Variants in ZC3H12B observed in about 807,000 individuals in gnomAD.
ZC3H12B encodes the protein zinc finger CCCH-type containing 12B.
Under a neutral mutation model 43.9 loss-of-function variants are expected in ZC3H12B, and 7 were observed. The ratio of observed to expected loss-of-function variants is 0.16; its 90% CI spans 0.09 to 0.30. The LOEUF (loss-of-function observed/expected upper bound fraction) is 0.30. ZC3H12B is among the 10% of genes least tolerant of loss of function. The probability of loss-of-function intolerance (pLI) is 1.00; values close to 1 mark genes in which losing one functional copy is unlikely to be tolerated. For missense variants in ZC3H12B, 475 were observed against 670.2 expected (o/e 0.71, Z 3.22); for synonymous variants, 222 against 241.7 (o/e 0.92, Z 0.76).
the ZC3H12B span, among the ~76,000 whole-genome samples, chrX:65,279,622 A>C: frequency 9.0e-6 from 1 of 111,705 alleles, no homozygotes; most frequent in African/African-American, 3.3e-5. Flanking sequence ...AAAACTCTGG[A>C]AGACAACCTA....
At chrX:65,458,039 G>A (rs1427083553) in intron 3 of ZC3H12B, among the ~76,000 whole-genome samples, 3 of 43,805 alleles carry the variant, frequency 6.8e-5, no homozygotes, top group African/African-American at 3.6e-4. Flanking sequence ...CCCCCTCTGC[G>A]AGAAACACCC....
At chrX:65,436,665 C>T (rs1340727155) in intron 3 of ZC3H12B, among the ~76,000 whole-genome samples, 1 of 111,535 alleles carries the variant, frequency 9.0e-6, no homozygotes, top group Non-Finnish European at 1.9e-5. Flanking sequence ...AGATTCTTGG[C>T]CCTTCACTTT....
the ZC3H12B span, among the ~76,000 whole-genome samples, chrX:65,246,729 T>C: frequency 9.8e-5 from 11 of 112,291 alleles, no homozygotes; most frequent in Admixed American, 1.9e-4. Flanking sequence ...CTGAACCCCT[T>C]CCTTACACCA....
chrX:65,176,552 TTTC>T, the ZC3H12B span, among the ~76,000 whole-genome samples: 11 of 111,375 alleles, frequency 9.9e-5, no homozygotes, highest in African/African-American at 2.3e-4. Flanking sequence ...GACAGACTGC[TTTC>T]TTAAGTGGGT....
chrX:65,252,195 A>G, the ZC3H12B span, among the ~76,000 whole-genome samples: 1 of 111,711 alleles, frequency 9.0e-6, no homozygotes, highest in Non-Finnish European at 1.9e-5. Flanking sequence ...TGAGATAATC[A>G]TGTGGTTTTT....
At chrX:65,344,611 A>G in the ZC3H12B span, among the ~76,000 whole-genome samples, 1 of 112,382 alleles carries the variant, frequency 8.9e-6, no homozygotes, top group Non-Finnish European at 1.9e-5. Flanking sequence ...AAACTATAAA[A>G]ATTCTCAAAG....
the ZC3H12B span, among the ~76,000 whole-genome samples, chrX:65,233,776 G>A: frequency 0.13 from 14,768 of 110,106 alleles, 2,380 homozygotes; most frequent in African/African-American, 0.45. Flanking sequence ...ACAAAAAATA[G>A]GATAAATGGA....
the ZC3H12B span, among the ~76,000 whole-genome samples, chrX:65,203,203 A>T: frequency 1.8e-5 from 2 of 111,690 alleles, no homozygotes; most frequent in East Asian, 2.9e-4. Context: ...AAAACTGAGG[A>T]CTCCAGGAGC....
At chrX:65,356,841 G>A in the ZC3H12B span, 1 of 304,735 alleles carries the variant, frequency 3.3e-6, no homozygotes, top group South Asian at 3.5e-5. Flanking sequence ...AGCATTGAAG[G>A]TCACATTCCA....
the ZC3H12B span, among the ~76,000 whole-genome samples, chrX:65,067,712 T>C: frequency 1.8e-5 from 2 of 108,513 alleles, no homozygotes; most frequent in Non-Finnish European, 3.9e-5. Context: ...TTCATTGATC[T>C]TTTTTTTTTA....
the ZC3H12B span, among the ~76,000 whole-genome samples, chrX:65,174,011 C>T: frequency 9.0e-6 from 1 of 111,660 alleles, no homozygotes; most frequent in East Asian, 2.8e-4. Flanking sequence ...TTCTGCATGT[C>T]TGCTGCAGTT....
chrX:65,221,725 C>A, the ZC3H12B span, among the ~76,000 whole-genome samples: 1 of 110,019 alleles, frequency 9.1e-6, no homozygotes, highest in Non-Finnish European at 1.9e-5. Flanking sequence ...AAAAAAAAAT[C>A]CAGGACTAGA....
the ZC3H12B span, among the ~76,000 whole-genome samples, chrX:65,184,474 A>G: frequency 3.6e-5 from 4 of 111,582 alleles, no homozygotes; most frequent in South Asian, 1.5e-3. Context: ...AACTGACTGA[A>G]TCTGTGAGAT....
At chrX:65,290,793 TA>T in the ZC3H12B span, among the ~76,000 whole-genome samples, 1 of 110,180 alleles carries the variant, frequency 9.1e-6, no homozygotes, top group Non-Finnish European at 1.9e-5. Context: ...CATGTAGGAG[TA>T]AAAAAATTTG....
intron 3 of ZC3H12B, among the ~76,000 whole-genome samples, chrX:65,401,315 C>T (rs771268407): frequency 6.3e-5 from 7 of 111,298 alleles, no homozygotes; most frequent in Non-Finnish European, 1.1e-4. Context: ...CAGTGCTATC[C>T]TTTTAGAGCA....
chrX:65,154,629 G>T, the ZC3H12B span, among the ~76,000 whole-genome samples: 1 of 111,961 alleles, frequency 8.9e-6, no homozygotes, highest in South Asian at 3.7e-4. Context: ...CTGGAGGATT[G>T]CTTGAGCCCA....
chrX:65,223,083 A>T, the ZC3H12B span, among the ~76,000 whole-genome samples: 1 of 112,048 alleles, frequency 8.9e-6, no homozygotes. Context: ...ATAAAGCCAA[A>T]TACTTACAGC....
intron 3 of ZC3H12B, chrX:65,407,987 G>A: frequency 2.0e-6 from 2 of 1,021,375 alleles, no homozygotes; most frequent in Admixed American, 3.3e-5. Context: ...GCTTCTGCCT[G>A]GCTTTCCGGC....
chrX:65,211,088 GAAAAA>G, the ZC3H12B span, among the ~76,000 whole-genome samples: 1 of 63,361 alleles, frequency 1.6e-5, no homozygotes, highest in South Asian at 9.4e-4. Flanking sequence ...AAAAAAGAAA[GAAAAA>G]AAAAAAAAAA....
Sources: allele counts gnomAD v4.1 joint callset (sites outside exome capture counted in the v4.1 genomes callset), GRCh38; gene constraint gnomAD v4.1.1; transcripts MANE v1.5; gene names NCBI Gene and HGNC (gene_info 2026-07-23, HGNC 2026-07-21).